The following PXK variants were observed in gnomAD, a reference collection of about 807,000 sequenced individuals.
PXK encodes PX domain-containing protein kinase-like protein.
A neutral mutation model predicts 84.7 loss-of-function variants in PXK; 35 were observed. That is an observed-to-expected ratio of 0.41 (90% CI 0.32 to 0.55). PXK has a LOEUF of 0.55. Ranked by LOEUF, PXK falls within the 20% of genes least tolerant of loss-of-function variation. The probability of loss-of-function intolerance (pLI) is 0.21; values close to 1 mark genes in which losing one functional copy is unlikely to be tolerated. For synonymous variants in PXK, 253 were observed against 260.8 expected, an observed-to-expected ratio of 0.97 and a Z score of 0.29; for missense variants, 634 against 699.7, an observed-to-expected ratio of 0.91 and a Z score of 1.06.
intron 1 of PXK, among the ~76,000 whole-genome samples, chr3:58,340,402 T>C (rs1028331080): frequency 2.0e-5 from 3 of 150,390 alleles, no homozygotes; most frequent in Non-Finnish European, 4.4e-5. Context: ...GGATTACAAG[T>C]GTGAGCCACC....
At chr3:58,341,129 G>A (rs2097722267) in intron 1 of PXK, among the ~76,000 whole-genome samples, 1 of 152,162 alleles carries the variant, frequency 6.6e-6, no homozygotes, top group South Asian at 2.1e-4. Flanking sequence ...TTAGGAGTAT[G>A]GAACAAGTGC....
At position 58,400,654 on chromosome 3, in the gene PXK, T is replaced by C. The variant is rs953708664; in HGVS notation, c.1181+1277T>C. On this transcript the variant is annotated intron_variant, in intron 12 of 17. Transcript: ENST00000356151. The surrounding 1 kb of genome is among the most constrained non-coding windows in gnomAD (Gnocchi z 4.0). ...TGGGCCGGGCAGTGGCTCATGCCTA[T>C]AATCCCAGCACTTTGGGAGGCTGAG... Among the ~76,000 whole-genome samples, 1 of 152,190 alleles carries C rather than the reference T, an allele frequency of 6.6e-6. No individual in the cohort carries two copies. Among genetic ancestry groups the C allele is most frequent in the South Asian group, 2.1e-4 (1 of 4,832 alleles).
chr3:58,399,011 A>G lies in PXK; in HGVS notation c.1103-288A>G, dbSNP rs2058152062. Among the ~76,000 whole-genome samples, 1 of 152,210 alleles carries G rather than the reference A, an allele frequency of 6.6e-6. No homozygotes were observed. On this transcript the variant is annotated intron_variant, in intron 11 of 17. Transcript: ENST00000356151. This position sits in a 1 kb window ranked among gnomAD's most constrained non-coding sequence, Gnocchi z 4.3. The stretch of plus-strand genomic sequence containing the variant: ...TGTTTACATCTCTTTCAAGAGAACA[A>G]ACACTTTTATGAATGATATCTTGAA...
Position 58,365,864 on chromosome 3 carries a change from T to G in PXK, c.103-10T>G, listed in dbSNP as rs1447147630. The G allele has an allele frequency of 6.5e-7, 1 of 1,545,594 alleles. No individual in the cohort carries two copies. Among genetic ancestry groups the G allele is most frequent in the Admixed American group, 2.1e-5 (1 of 47,036 alleles). On this transcript the variant is annotated splice_polypyrimidine_tract_variant and intron_variant, in intron 1 of 17. Coordinates refer to ENST00000356151, the MANE Select transcript of PXK (RefSeq NM_017771.5). ...TATAACTGAGGTTATTCTTCCCTTC[T>G]CTTTTTAAGGAATATATTATTCGAG...
At chr3:58,335,790 G>A (rs751826127) in intron 1 of PXK, among the ~76,000 whole-genome samples, 1 of 151,906 alleles carries the variant, frequency 6.6e-6, no homozygotes, top group Non-Finnish European at 1.5e-5. Flanking sequence ...CCTTTTTGAA[G>A]TTTAGTTTTG....
chr3:58,373,265 A>T (rs1327238161), intron 3 of PXK, among the ~76,000 whole-genome samples: 1 of 150,702 alleles, frequency 6.6e-6, no homozygotes, highest in Non-Finnish European at 1.5e-5. Context: ...TTTTAAGTAG[A>T]GATGGGATTT....
Position 58,365,917 on chromosome 3 carries a change from G to T in PXK, c.146G>T (p.Ser49Ile). 1 of 1,572,506 alleles carries T rather than the reference G, an allele frequency of 6.4e-7. No individual in the cohort carries two copies. The highest frequency in any genetic ancestry group is 1.2e-5 in the South Asian group (1 of 83,224). The part of the protein sequence containing the change: ...RVQRGISVEN[S>I]WQIVRRYSDF... Reference sequence around the variant, plus strand: ...CAAAGAGGAATTTCTGTGGAAAACAGCTGGCAGGTAAGCATCTTTTTTTTT... The same window carrying T: ...CAAAGAGGAATTTCTGTGGAAAACATCTGGCAGGTAAGCATCTTTTTTTTT... The change falls in exon 2 of 18, where the codon AGC (serine) becomes ATC (isoleucine). Residue 49 changes from serine (S) to isoleucine (I), a missense_variant. Ser to Ile is a moderately radical substitution (Grantham distance 142, BLOSUM62 -2). Transcript: ENST00000356151.
At chr3:58,389,741 T>G (rs2098604416) in intron 4 of PXK, among the ~76,000 whole-genome samples, 1 of 151,412 alleles carries the variant, frequency 6.6e-6, no homozygotes, top group African/African-American at 2.4e-5. Flanking sequence ...GGCTCATGCC[T>G]GTAGTCTCAG....
rs2098624799 is a variant in PXK at position 58,391,000 on chromosome 3, A to G, written c.467-147A>G. ...TTTTAAGTATAGCCTTTACTATGCC[A>G]ACGTTATCAAATGGTTCTTTTACTT... On this transcript the variant is annotated intron_variant, in intron 5 of 17. Coordinates refer to ENST00000356151, the MANE Select transcript of PXK (RefSeq NM_017771.5). The surrounding 1 kb of genome is among the most constrained non-coding windows in gnomAD (Gnocchi z 4.2). 3 of 616,346 alleles carry G rather than the reference A, an allele frequency of 4.9e-6. No homozygotes were observed. The highest frequency in any genetic ancestry group is 8.6e-6 in the Non-Finnish European group (3 of 350,598). The allele number at this position is 616,346 out of a possible 1,614,324, so 38.2% of individuals were successfully genotyped here. A position where few individuals can be genotyped will look rare whatever the true frequency, so the allele number is the denominator to read the frequency against.
rs201313715 is a variant in PXK at position 58,408,953 on chromosome 3, A to G, written c.1260A>G (p.Arg420=). 3.9e-5 allele frequency: 62 copies of G among 1,589,544 alleles called. No homozygotes were observed. The East Asian group carries it at 1.3e-3, about 34-fold the overall frequency. The change falls in exon 14 of 18, where the codon AGA becomes AGG. Residue 420 remains arginine (R), a synonymous_variant. Coordinates refer to ENST00000356151, the MANE Select transcript of PXK (RefSeq NM_017771.5). ...KIPTKLKEAL[R]IAKECIEKRL... ...CTACAAAGTTAAAAGAGGCATTGAG[A>G]ATTGCCAAAGAATGTATAGAGAAGA...
At chr3:58,376,014 G>A (rs1417306381) in intron 3 of PXK, among the ~76,000 whole-genome samples, 3 of 152,034 alleles carry the variant, frequency 2.0e-5, no homozygotes, top group African/African-American at 7.2e-5. Context: ...ATTATATATA[G>A]GTAATATTTA....
In PXK at chr3:58,399,031, C is replaced by G. The variant is rs1390229065; in HGVS notation, c.1103-268C>G. Among the ~76,000 whole-genome samples the G allele has an allele frequency of 6.6e-6, 1 of 152,208 alleles. No homozygotes were observed. Among genetic ancestry groups the G allele is most frequent in the Non-Finnish European group, 1.5e-5 (1 of 68,020 alleles). ...GAACAAACACTTTTATGAATGATATCTTGAATCCTTCCTCCAGTTATCTTT... is the reference window on the plus strand; with the variant it reads ...GAACAAACACTTTTATGAATGATATGTTGAATCCTTCCTCCAGTTATCTTT... On this transcript the variant is annotated intron_variant, in intron 11 of 17. Coordinates refer to ENST00000356151, the MANE Select transcript of PXK (RefSeq NM_017771.5). This position sits in a 1 kb window ranked among gnomAD's most constrained non-coding sequence, Gnocchi z 4.3.
rs2057431221 is a variant in PXK, at chr3:58,395,096, C to T, written c.714C>T (p.Ile238=). Residue 238 remains isoleucine, a synonymous_variant, in exon 8 of 18, where the codon ATC becomes ATT. Coordinates refer to ENST00000356151, the MANE Select transcript of PXK (RefSeq NM_017771.5). ...AAAAGGGAACATTGAAGGATCTGAT[C>T]TACAAGGTACCTGTGCAAGTTCATG... ...FNEKGTLKDL[I]YKAKPKDPFL... 1.9e-6 allele frequency: 3 copies of T among 1,604,830 alleles called. No individual in the cohort carries two copies. The South Asian group carries it at 3.3e-5, about 18-fold the overall frequency.
At chr3:58,351,397 G>T (rs9827495) in intron 1 of PXK, among the ~76,000 whole-genome samples, 10,480 of 52,000 alleles carry the variant, frequency 0.2, 450 homozygotes, top group African/African-American at 0.37. Flanking sequence ...CTAGCTATTT[G>T]TGTGTGTGTG....
Position 58,390,931 on chromosome 3 carries a change from C to T in PXK, c.467-216C>T, listed in dbSNP as rs1288343406. ...TCACTACATCTAAACTGAAGTGCTA[C>T]TTTCCTGCCTTTTCCGTGAATAATT... On this transcript the variant is annotated intron_variant, in intron 5 of 17. Coordinates refer to ENST00000356151, the MANE Select transcript of PXK (RefSeq NM_017771.5). This position sits in a 1 kb window ranked among gnomAD's most constrained non-coding sequence, Gnocchi z 4.2. Among the ~76,000 whole-genome samples the T allele has an allele frequency of 6.6e-6, 1 of 152,244 alleles. No homozygotes were observed. The highest frequency in any genetic ancestry group is 6.5e-5 in the Admixed American group (1 of 15,290).
chr3:58,412,943 C>G lies in PXK; in HGVS notation c.1508C>G (p.Pro503Arg). 6.2e-7 allele frequency: 1 copy of G among 1,614,166 alleles called. No individual in the cohort carries two copies. The highest frequency in any genetic ancestry group is 8.5e-7 in the Non-Finnish European group (1 of 1,180,018). ...ASSPLTSPSS[P>R]TPPSTSGISA... ...TCACCTCTCACGTCCCCGTCATCGC[C>G]AACTCCACCCTCTACATCAGGTTAG... Residue 503 changes from proline (P) to arginine (R), a missense_variant, in exon 17 of 18, where the codon CCA becomes CGA. Physicochemically the swap from Pro to Arg is moderately radical, Grantham distance 103. Transcript: ENST00000356151. The surrounding 1 kb of genome is among the most constrained non-coding windows in gnomAD (Gnocchi z 6.2).
Position 58,390,277 on chromosome 3 carries a change from A to T in PXK, c.389-305A>T, listed in dbSNP as rs1370678390. 6.6e-6 allele frequency among the ~76,000 whole-genome samples: 1 copy of T among 152,174 alleles called. No individual in the cohort carries two copies. The highest frequency in any genetic ancestry group is 2.4e-5 in the African/African-American group (1 of 41,446). On this transcript the variant is annotated intron_variant, in intron 4 of 17. Transcript: ENST00000356151. The surrounding 1 kb of genome is among the most constrained non-coding windows in gnomAD (Gnocchi z 4.2). ...GTTTCTCCTAATGTTAATATTTTAT[A>T]TAACCATGGCACATTTATCAAAACT...
rs752411806 is a variant in PXK, at chr3:58,386,290, C to CTTTTTTTTTTTT, written c.388+3602_388+3613dup. On this transcript the variant is annotated intron_variant, in intron 4 of 17. Transcript: ENST00000356151. ...CTATCTCACACATATATCCCCCTTA[C>CTTTTTTTTTTTT]TTTTTTTTTTTTTTTTTTTTTTTGA... 6.1e-3 allele frequency among the ~76,000 whole-genome samples: 504 copies of CTTTTTTTTTTTT among 82,250 alleles called. 63 individuals carry two copies. The highest frequency in any genetic ancestry group is 0.019 in the African/African-American group (383 of 20,514). 54.0% of individuals were successfully genotyped at this position (82,250 alleles called of 152,430 possible). A position where few individuals can be genotyped will look rare whatever the true frequency, so the allele number is the denominator to read the frequency against.
intron 13 of PXK, among the ~76,000 whole-genome samples, chr3:58,405,721 T>G (rs2059297900): frequency 6.8e-6 from 1 of 147,726 alleles, no homozygotes. Context: ...GAGGTTGCAG[T>G]GAGCTGAGAT....
Sources: allele counts gnomAD v4.1 joint callset (sites outside exome capture counted in the v4.1 genomes callset), GRCh38; gene constraint gnomAD v4.1.1; non-coding constraint Gnocchi (gnomAD v3.1); transcripts MANE v1.5; gene names NCBI Gene and HGNC (gene_info 2026-07-23, HGNC 2026-07-21).